Variants in SAMHD1 observed in about 807,000 individuals in gnomAD.
SAMHD1 encodes deoxynucleoside triphosphate triphosphohydrolase SAMHD1.
SAMHD1 carries 54 observed loss-of-function variants against 79.6 expected under a neutral mutation model. The observed-to-expected ratio is 0.68, with a 90% CI of 0.55 to 0.85. The LOEUF (loss-of-function observed/expected upper bound fraction) is 0.85. SAMHD1 is among the 40% of genes least tolerant of loss of function. SAMHD1 has a pLI of 0.00. For synonymous variants in SAMHD1, 260 were observed against 264.1 expected, an observed-to-expected ratio of 0.98 and a Z score of 0.15; for missense variants, 663 against 782.7, an observed-to-expected ratio of 0.85 and a Z score of 1.82.
chr20:36,903,841 G>A (rs1284625646), intron 13 of SAMHD1: 1 of 241,698 alleles, frequency 4.1e-6, no homozygotes, highest in Non-Finnish European at 8.2e-6. Flanking sequence ...GTGAGCCACC[G>A]TGCCTGGCCC....
At chr20:36,949,456 A>T (rs1258443879) in intron 1 of SAMHD1, among the ~76,000 whole-genome samples, 3 of 81,870 alleles carry the variant, frequency 3.7e-5, no homozygotes, top group Admixed American at 1.6e-4. Context: ...GTCTCTAATT[A>T]AAAAAAAAAA....
chr20:36,923,819 A>T (rs948571634), intron 6 of SAMHD1, among the ~76,000 whole-genome samples: 1 of 152,206 alleles, frequency 6.6e-6, no homozygotes, highest in African/African-American at 2.4e-5. Context: ...AAATCTTATT[A>T]TAAAGTATGT....
intron 11 of SAMHD1, among the ~76,000 whole-genome samples, chr20:36,908,384 C>T (rs1408466539): frequency 6.6e-6 from 1 of 151,974 alleles, no homozygotes; most frequent in Non-Finnish European, 1.5e-5. Flanking sequence ...GCTGGGACTA[C>T]AGGCACGCAC....
At chr20:36,938,412 C>T (rs1031455737) in intron 3 of SAMHD1, among the ~76,000 whole-genome samples, 11 of 152,010 alleles carry the variant, frequency 7.2e-5, no homozygotes, top group Non-Finnish European at 1.6e-4. Flanking sequence ...TGGTGGCATG[C>T]ACTGGTAATC....
At chr20:36,902,146 G>C (rs1990317354) in intron 13 of SAMHD1, among the ~76,000 whole-genome samples, 2 of 152,144 alleles carry the variant, frequency 1.3e-5, no homozygotes, top group Admixed American at 1.3e-4. Context: ...AGTTCTGAGA[G>C]GAGGGAGGAC....
chr20:36,906,172 T>G (rs1184390023), intron 11 of SAMHD1, among the ~76,000 whole-genome samples: 1 of 152,200 alleles, frequency 6.6e-6, no homozygotes, highest in Non-Finnish European at 1.5e-5. Flanking sequence ...GCGCTGTGGC[T>G]CACACCTGTG....
chr20:36,945,893 G>C (rs977380022), intron 2 of SAMHD1, among the ~76,000 whole-genome samples: 2 of 151,912 alleles, frequency 1.3e-5, no homozygotes, highest in Non-Finnish European at 2.9e-5. Context: ...GACAGAGTGA[G>C]ACTCTGTCTC....
rs903077482 is a variant in SAMHD1, at chr20:36,930,872, C to A, written c.513G>T (p.Val171=). ...SHNRFEHSLG[V]GYLAGCLVHA... ...GAACTAGACATCCTGCTAGATACCC[C>A]ACCCTGCAGAGCAAAAACACAAAAA... is the stretch of plus-strand genomic sequence containing the variant. Residue 171 remains valine (V), a synonymous_variant, in exon 5 of 16, where the codon GTG becomes GTT. Transcript: ENST00000646673. 4.4e-6 allele frequency: 7 copies of A among 1,609,158 alleles called. No homozygotes were observed. The highest frequency in any genetic ancestry group is 6.0e-6 in the Non-Finnish European group (7 of 1,175,720).
At chr20:36,920,519 C>T (rs533510831) in intron 6 of SAMHD1, among the ~76,000 whole-genome samples, 1 of 152,016 alleles carries the variant, frequency 6.6e-6, no homozygotes, top group African/African-American at 2.4e-5. Flanking sequence ...GTAATCCCAG[C>T]GTTTTGGGAG....
At chr20:36,912,244 A>C in intron 10 of SAMHD1, 1 of 533,714 alleles carries the variant, frequency 1.9e-6, no homozygotes, top group East Asian at 3.3e-5. Context: ...CTGCCCCTTT[A>C]TCCACTTCCC....
At position 36,930,745 on chromosome 20, in the gene SAMHD1, C is replaced by T; in HGVS notation, c.625+15G>A. On this transcript the variant is annotated intron_variant, in intron 5 of 15. Transcript: ENST00000646673. ...ATGATTTTACATAACAACTTTGTCT[C>T]TTTGTACAGCTTACCGAGATCATGA... 1 of 1,566,950 alleles carries T rather than the reference C, an allele frequency of 6.4e-7. No individual in the cohort carries two copies. Among genetic ancestry groups the T allele is most frequent in the Non-Finnish European group, 8.8e-7 (1 of 1,137,344 alleles).
At chr20:36,928,211 A>C (rs1426384855) in intron 5 of SAMHD1, among the ~76,000 whole-genome samples, 1 of 150,462 alleles carries the variant, frequency 6.6e-6, no homozygotes, top group Non-Finnish European at 1.5e-5. Flanking sequence ...ACATGGTAAA[A>C]ACCCTGTCTC....
At chr20:36,906,706 A>G (rs2063407139) in intron 11 of SAMHD1, among the ~76,000 whole-genome samples, 1 of 152,130 alleles carries the variant, frequency 6.6e-6, no homozygotes, top group Non-Finnish European at 1.5e-5. Context: ...TTTATTTTGA[A>G]AAATTTCAAA....
At chr20:36,920,297 G>A (rs2063497002) in intron 6 of SAMHD1, among the ~76,000 whole-genome samples, 1 of 151,804 alleles carries the variant, frequency 6.6e-6, no homozygotes, top group African/African-American at 2.4e-5. Context: ...AGATTTTTTT[G>A]TAGAGGCAGG....
chr20:36,901,842 G>A (rs950040886), intron 13 of SAMHD1, among the ~76,000 whole-genome samples: 1 of 152,200 alleles, frequency 6.6e-6, no homozygotes, highest in African/African-American at 2.4e-5. Context: ...TAGTGACTAT[G>A]GAAAGGGACA....
rs979235482 is a variant in SAMHD1, at chr20:36,892,205, A to T, written c.*727T>A. 6.5e-6 allele frequency: 1 copy of T among 152,840 alleles called. No homozygotes were observed. The highest frequency in any genetic ancestry group is 2.4e-5 in the African/African-American group (1 of 41,444). 9.5% of individuals were successfully genotyped at this position (152,840 alleles called of 1,614,324 possible). On this transcript the variant is annotated 3_prime_UTR_variant, in exon 16 of 16. Transcript: ENST00000646673. ...CTCAGATCTTCCCCAAAACCTAATC[A>T]GGCCTCTCACCAGCGTGTTGGAGGC...
In SAMHD1 at chr20:36,925,045, A is replaced by G. The variant is rs563197250; in HGVS notation, c.696+2137T>C. Among the ~76,000 whole-genome samples the G allele has an allele frequency of 2.0e-5, 3 of 151,550 alleles. No homozygotes were observed. The East Asian group carries it at 5.8e-4, about 29-fold the overall frequency. ...GTAGCACATGCCTGTAATCCCAGCTATTCAGGAGGCTGAGGCAGGAGACTC... is the reference window on the plus strand; with the variant it reads ...GTAGCACATGCCTGTAATCCCAGCTGTTCAGGAGGCTGAGGCAGGAGACTC... On this transcript the variant is annotated intron_variant, in intron 6 of 15. Transcript: ENST00000646673.
chr20:36,943,699 T>C (rs1221925580), intron 2 of SAMHD1, among the ~76,000 whole-genome samples: 1 of 152,146 alleles, frequency 6.6e-6, no homozygotes, highest in Non-Finnish European at 1.5e-5. Context: ...ACAAATTCCA[T>C]TCAGGTCAAA....
chr20:36,930,528 C>T (rs2063562367), intron 5 of SAMHD1, among the ~76,000 whole-genome samples: 2 of 151,788 alleles, frequency 1.3e-5, no homozygotes, highest in Non-Finnish European at 2.9e-5. Context: ...ACCACTTTAG[C>T]AAAGATGTTT....
Sources: gnomAD v4.1 joint callset for allele counts (sites outside exome capture counted in the v4.1 genomes callset) on GRCh38, gnomAD v4.1.1 for gene constraint, MANE v1.5 for transcripts, NCBI Gene and HGNC (gene_info 2026-07-23, HGNC 2026-07-21) for gene names.